LRRC4C: variants seen among roughly 807,000 people sequenced by gnomAD.
LRRC4C encodes leucine rich repeat containing 4C.
In LRRC4C, 5 loss-of-function variants were observed where a neutral mutation model predicts 33.6. The observed-to-expected ratio is 0.15, with a 90% confidence interval of 0.08 to 0.31. The LOEUF is 0.31. Among genes scored for constraint, LRRC4C ranks in the 10% least tolerant of loss-of-function variants. The probability of loss-of-function intolerance (pLI) is 1.00; values close to 1 mark genes in which losing one functional copy is unlikely to be tolerated. For missense variants in LRRC4C, 560 were observed against 796.7 expected, an observed-to-expected ratio of 0.70 and a Z score of 3.58; for synonymous variants, 329 against 302.0, an observed-to-expected ratio of 1.09 and a Z score of -0.93.
chr11:41,415,729 T>A (rs552758497), intron 1 of LRRC4C, among the ~76,000 whole-genome samples: 7 of 152,102 alleles, frequency 4.6e-5, no homozygotes, highest in Non-Finnish European at 1.0e-4. Flanking sequence ...ATGGATGATA[T>A]CTAAATTCGT....
In LRRC4C at chr11:40,696,301, G is replaced by GTA. The variant is rs1156312624; in HGVS notation, c.-406-48025_-406-48024dup. On this transcript the variant is annotated intron_variant, in intron 2 of 6. Transcript: ENST00000528697. ...TGCCACATATATATATATATATATG[G>GTA]TATATATATATGTGGTATATATATG... Among the ~76,000 whole-genome samples, 15 of 91,366 alleles carry GTA rather than the reference G, an allele frequency of 1.6e-4. 1 individual carries two copies. The highest frequency in any genetic ancestry group is 6.6e-4 in the African/African-American group (7 of 10,574). 59.9% of individuals were successfully genotyped at this position (91,366 alleles called of 152,430 possible).
At chr11:40,691,513 A>T (rs1353645994) in intron 2 of LRRC4C, among the ~76,000 whole-genome samples, 1 of 152,134 alleles carries the variant, frequency 6.6e-6, no homozygotes, top group Non-Finnish European at 1.5e-5. Flanking sequence ...ATGTAAAACA[A>T]CTGTGCAAGA....
At chr11:40,609,157 T>A (rs951064969) in intron 3 of LRRC4C, among the ~76,000 whole-genome samples, 1 of 152,072 alleles carries the variant, frequency 6.6e-6, no homozygotes, top group Non-Finnish European at 1.5e-5. Context: ...TCAGGATACG[T>A]CATATGTTAG....
chr11:40,553,856 A>G (rs1204467939), intron 3 of LRRC4C, among the ~76,000 whole-genome samples: 2 of 152,136 alleles, frequency 1.3e-5, no homozygotes, highest in Non-Finnish European at 2.9e-5. Flanking sequence ...TGTTGGATGC[A>G]TAGTTTACAA....
intron 1 of LRRC4C, among the ~76,000 whole-genome samples, chr11:41,388,592 A>G (rs1208502341): frequency 3.3e-5 from 5 of 151,950 alleles, no homozygotes; most frequent in Admixed American, 3.3e-4. Flanking sequence ...GCCTTGAAGA[A>G]TCAGTTGAAT....
chr11:40,310,661 C>A (rs1392835799), intron 4 of LRRC4C, among the ~76,000 whole-genome samples: 1 of 152,126 alleles, frequency 6.6e-6, no homozygotes, highest in African/African-American at 2.4e-5. Context: ...AGCATTAACT[C>A]ACAACAACCA....
chr11:40,261,042 A>C (rs1867671157), intron 4 of LRRC4C, among the ~76,000 whole-genome samples: 1 of 152,006 alleles, frequency 6.6e-6, no homozygotes, highest in Non-Finnish European at 1.5e-5. Flanking sequence ...CACCATATTC[A>C]GCTAATTTTT....
At chr11:40,253,662 C>T (rs1416291302) in intron 4 of LRRC4C, among the ~76,000 whole-genome samples, 1 of 152,160 alleles carries the variant, frequency 6.6e-6, no homozygotes, top group African/African-American at 2.4e-5. Flanking sequence ...TTATGGATTA[C>T]TAAACTTAAC....
chr11:41,188,109 C>A (rs752160016), intron 1 of LRRC4C, among the ~76,000 whole-genome samples: 4 of 152,044 alleles, frequency 2.6e-5, no homozygotes, highest in Non-Finnish European at 5.9e-5. Flanking sequence ...TCCTGTTTAA[C>A]TTTGGATTGA....
At chr11:41,311,015 CT>C (rs1201977841) in intron 1 of LRRC4C, among the ~76,000 whole-genome samples, 1 of 152,136 alleles carries the variant, frequency 6.6e-6, no homozygotes, top group East Asian at 1.9e-4. Context: ...CCAACCTTCG[CT>C]TAGTGCCTAG....
At chr11:41,438,284 G>A (rs564264747) in intron 1 of LRRC4C, among the ~76,000 whole-genome samples, 1 of 151,802 alleles carries the variant, frequency 6.6e-6, no homozygotes, top group African/African-American at 2.4e-5. Context: ...TATTGTTCAG[G>A]AACTGACTAG....
At chr11:40,729,237 T>C (rs976640962) in intron 2 of LRRC4C, among the ~76,000 whole-genome samples, 1 of 152,222 alleles carries the variant, frequency 6.6e-6, no homozygotes, top group Admixed American at 6.5e-5. Context: ...TTAGTGTATT[T>C]TGATGCAAAC....
intron 1 of LRRC4C, among the ~76,000 whole-genome samples, chr11:41,019,222 C>T (rs1041265111): frequency 2.6e-5 from 4 of 152,100 alleles, no homozygotes; most frequent in African/African-American, 9.7e-5. Context: ...CGTCTCTGTC[C>T]ATGTGTCCTC....
chr11:41,122,077 C>T (rs899401842), intron 1 of LRRC4C, among the ~76,000 whole-genome samples: 2 of 152,018 alleles, frequency 1.3e-5, no homozygotes, highest in African/African-American at 4.8e-5. Context: ...GGAAACACTG[C>T]TGGGAAGCTG....
rs779773215 is a variant in LRRC4C, at chr11:40,130,443, A to G, written c.-43+10358T>C. Among the ~76,000 whole-genome samples, 46 of 151,610 alleles carry G rather than the reference A, an allele frequency of 3.0e-4. 1 individual carries two copies. Among genetic ancestry groups the G allele is most frequent in the Non-Finnish European group, 5.9e-4 (40 of 67,906 alleles). ...TCCACAAGTGGTCTTTTCTTTTCATATTTTTCCCATAGGAGATTTTCAAAG... is the reference window on the plus strand; with the variant it reads ...TCCACAAGTGGTCTTTTCTTTTCATGTTTTTCCCATAGGAGATTTTCAAAG... On this transcript the variant is annotated intron_variant, in intron 6 of 6. Transcript: ENST00000528697.
At chr11:40,834,899 G>GACAC (rs1326075676) in intron 2 of LRRC4C, among the ~76,000 whole-genome samples, 1 of 38,858 alleles carries the variant, frequency 2.6e-5, no homozygotes, top group Non-Finnish European at 6.0e-5. Flanking sequence ...CAGACAGACA[G>GACAC]ACAGACAGAC....
intron 1 of LRRC4C, among the ~76,000 whole-genome samples, chr11:41,148,600 T>C (rs982877741): frequency 1.3e-5 from 2 of 152,062 alleles, no homozygotes; most frequent in Admixed American, 6.5e-5. Flanking sequence ...TTTAGCTTAC[T>C]TGTGAACTAA....
rs371716036 is a variant in LRRC4C at position 40,193,027 on chromosome 11, T to G, written c.-96+48492A>C. On this transcript the variant is annotated intron_variant, in intron 5 of 6. Coordinates refer to ENST00000528697, the MANE Select transcript of LRRC4C (RefSeq NM_001258419.2). ...GGGAAGGGGCAGCTGTGGGTGCAGC[T>G]TCAGCAGACTTAAATGTTCCCGTAT... 3.4e-4 allele frequency among the ~76,000 whole-genome samples: 52 copies of G among 152,312 alleles called. 1 individual carries two copies. In the East Asian group the frequency reaches 7.9e-3, roughly 23 times the overall value.
At chr11:41,058,862 G>A (rs1370551410) in intron 1 of LRRC4C, among the ~76,000 whole-genome samples, 1 of 151,956 alleles carries the variant, frequency 6.6e-6, no homozygotes, top group African/African-American at 2.4e-5. Flanking sequence ...ATACACCATC[G>A]AATATTATGC....
Sources: gnomAD v4.1 joint callset for allele counts (sites outside exome capture counted in the v4.1 genomes callset) on GRCh38, gnomAD v4.1.1 for gene constraint, MANE v1.5 for transcripts, NCBI Gene and HGNC (gene_info 2026-07-23, HGNC 2026-07-21) for gene names.